The following SUCLA2 variants were observed in gnomAD, a reference collection of about 807,000 sequenced individuals.
The protein encoded by SUCLA2 is succinate-CoA ligase ADP-forming subunit beta.
SUCLA2 carries 30 observed loss-of-function variants against 54.8 expected under a neutral mutation model. That is an observed-to-expected ratio of 0.55 (90% CI 0.41 to 0.74). SUCLA2 has a LOEUF of 0.74. Ranked by LOEUF, SUCLA2 falls within the 30% of genes least tolerant of loss-of-function variation. The probability of loss-of-function intolerance (pLI) is 0.00; values close to 1 mark genes in which losing one functional copy is unlikely to be tolerated. For missense variants in SUCLA2, 476 were observed against 562.9 expected (o/e 0.85, Z 1.56); for synonymous variants, 172 against 188.9 (o/e 0.91, Z 0.74).
At chr13:47,997,605 A>T (rs1950200670) in intron 1 of SUCLA2, among the ~76,000 whole-genome samples, 1 of 152,166 alleles carries the variant, frequency 6.6e-6, no homozygotes, top group South Asian at 2.1e-4. Context: ...GCTCTCAGCC[A>T]AGTCCTCTTA....
At chr13:47,987,663 T>C (rs937267022) in intron 4 of SUCLA2, 2 of 152,062 alleles carry the variant, frequency 1.3e-5, no homozygotes, top group African/African-American at 4.8e-5. Context: ...GATTTAATTG[T>C]AAATAAGAAA....
chr13:47,980,751 C>A (rs1383751339), intron 4 of SUCLA2, among the ~76,000 whole-genome samples: 1 of 151,842 alleles, frequency 6.6e-6, no homozygotes, highest in Admixed American at 6.6e-5. Context: ...GACATATAGA[C>A]CAATGGAATA....
At chr13:47,992,398 A>C (rs1950157124) in intron 2 of SUCLA2, among the ~76,000 whole-genome samples, 1 of 151,914 alleles carries the variant, frequency 6.6e-6, no homozygotes, top group African/African-American at 2.4e-5. Flanking sequence ...CAAAAAAAAA[A>C]AAAAAAAAAA....
At chr13:47,970,356 T>C (rs1949952677) in intron 5 of SUCLA2, among the ~76,000 whole-genome samples, 2 of 152,162 alleles carry the variant, frequency 1.3e-5, no homozygotes, top group African/African-American at 4.8e-5. Context: ...TCATGCAAAA[T>C]GCTATAATCT....
At position 47,973,331 on chromosome 13, in the gene SUCLA2, G is replaced by A. The variant is rs1335500301; in HGVS notation, c.596C>T (p.Ser199Phe). 1.2e-6 allele frequency: 2 copies of A among 1,612,628 alleles called. No individual in the cohort carries two copies. The highest frequency in any genetic ancestry group is 1.7e-5 in the Admixed American group (1 of 59,980). Reference protein sequence around the residue: ...GVNIEDVAAESPEAIIKEPID... With the variant: ...GVNIEDVAAEFPEAIIKEPID... ...AGGTTCTTTAATTATTGCTTCAGGA[G>A]ACTCAGCAGCAACATCTTCAATGTT... Residue 199 changes from serine (S) to phenylalanine (F), a missense_variant, in exon 5 of 11, where the codon TCT (serine) becomes TTT (phenylalanine). Physicochemically the swap from Ser to Phe is radical, Grantham distance 155. This residue lies in a region of SUCLA2 where 342 missense variants were observed against 444.2 expected (regional missense o/e 0.77). Transcript: ENST00000646932.
intron 2 of SUCLA2, among the ~76,000 whole-genome samples, chr13:47,993,966 AGAGGTTGCTTGAACCCAGGAGGCG>A (rs1464518725): frequency 6.7e-6 from 1 of 150,088 alleles, no homozygotes; most frequent in African/African-American, 2.5e-5. Flanking sequence ...CCCAGGAGGC[AGAGGTTGCTTGAACCCAGGAGGCG>A]GAGGTTGCGG....
Position 47,997,036 on chromosome 13 carries a change from G to C in SUCLA2, c.91-13C>G, listed in dbSNP as rs370895261. On this transcript the variant is annotated splice_polypyrimidine_tract_variant and intron_variant, in intron 1 of 10. Coordinates refer to ENST00000646932, the MANE Select transcript of SUCLA2 (RefSeq NM_003850.3). ...AACTTCCCAGAACCTAGAAAGATTG[G>C]GGACATATTTATATATGACAGTGAT... 5.6e-6 allele frequency: 9 copies of C among 1,613,736 alleles called. No homozygotes were observed. The highest frequency in any genetic ancestry group is 6.8e-6 in the Non-Finnish European group (8 of 1,179,948).
chr13:47,975,246 C>T (rs1471660756), intron 4 of SUCLA2, among the ~76,000 whole-genome samples: 1 of 151,788 alleles, frequency 6.6e-6, no homozygotes, highest in Non-Finnish European at 1.5e-5. Flanking sequence ...CTGCAACCTC[C>T]GCCCCCCAGG....
intron 5 of SUCLA2, among the ~76,000 whole-genome samples, chr13:47,970,444 C>T (rs552839993): frequency 2.1e-4 from 32 of 152,166 alleles, no homozygotes; most frequent in Non-Finnish European, 4.4e-4. Flanking sequence ...TCATCATCTT[C>T]ACGTAACTAC....
At chr13:48,000,224 A>G (rs1011459860) in intron 1 of SUCLA2, among the ~76,000 whole-genome samples, 1 of 152,056 alleles carries the variant, frequency 6.6e-6, no homozygotes, top group Non-Finnish European at 1.5e-5. Context: ...AAAAAAACCC[A>G]AAACTCTGGA....
At chr13:47,970,001 C>T (rs187018006) in intron 5 of SUCLA2, among the ~76,000 whole-genome samples, 46 of 151,636 alleles carry the variant, frequency 3.0e-4, no homozygotes, top group African/African-American at 1.1e-3. Flanking sequence ...ACTCGAGAGG[C>T]TGAGACACAA....
At chr13:47,963,941 T>TAAA (rs1949894375) in intron 6 of SUCLA2, among the ~76,000 whole-genome samples, 1 of 152,182 alleles carries the variant, frequency 6.6e-6, no homozygotes, top group African/African-American at 2.4e-5. Flanking sequence ...GCACAAAATG[T>TAAA]AAAAGGCTTG....
intron 10 of SUCLA2, among the ~76,000 whole-genome samples, chr13:47,945,102 AGCCAGG>A (rs1949718938): frequency 6.6e-6 from 1 of 151,844 alleles, no homozygotes; most frequent in African/African-American, 2.4e-5. Flanking sequence ...ATACATAATT[AGCCAGG>A]CATGGTGGTA....
At chr13:47,949,659 C>T (rs1430437965) in intron 8 of SUCLA2, 56 bp from the exon 9 acceptor site, 1 of 1,570,476 alleles carries the variant, frequency 6.4e-7, no homozygotes, top group Non-Finnish European at 8.7e-7. Context: ...AGTTCTTTTC[C>T]CCAAAAAATA....
At chr13:47,992,670 T>C (rs955005746) in intron 2 of SUCLA2, among the ~76,000 whole-genome samples, 2 of 152,242 alleles carry the variant, frequency 1.3e-5, no homozygotes, top group Non-Finnish European at 2.9e-5. Context: ...CAAGACTGTC[T>C]CTAAAACACA....
chr13:47,975,190 T>C (rs113562177), intron 4 of SUCLA2, among the ~76,000 whole-genome samples: 2 of 151,088 alleles, frequency 1.3e-5, no homozygotes, highest in African/African-American at 4.9e-5. Flanking sequence ...ATCTGGAGTG[T>C]CGTTCTGTCA....
In SUCLA2 at chr13:47,943,200, C is replaced by T; in HGVS notation, c.*171G>A. 1 of 705,360 alleles carries T rather than the reference C, an allele frequency of 1.4e-6. No individual in the cohort carries two copies. 43.7% of individuals were successfully genotyped at this position (705,360 alleles called of 1,614,324 possible). A position where few individuals can be genotyped will look rare whatever the true frequency, so the allele number is the denominator to read the frequency against. ...TTATACATGCTTCGTACAAACAGTC[C>T]ATTCTGAATGGTACAATTAAATGCA... On this transcript the variant is annotated 3_prime_UTR_variant, in exon 11 of 11. Coordinates refer to ENST00000646932, the MANE Select transcript of SUCLA2 (RefSeq NM_003850.3).
intron 4 of SUCLA2, among the ~76,000 whole-genome samples, chr13:47,977,065 C>T (rs1347750876): frequency 6.6e-6 from 1 of 150,820 alleles, no homozygotes; most frequent in Non-Finnish European, 1.5e-5. Flanking sequence ...ATTGACAACC[C>T]TTTAACTATA....
In SUCLA2 at chr13:47,943,758, G is replaced by GTATATATATATATATATATA. The variant is rs1306333313; in HGVS notation, c.1318-314_1318-313insTATATATATATATATATATA. Among the ~76,000 whole-genome samples the GTATATATATATATATATATA allele has an allele frequency of 3.2e-5, 4 of 125,680 alleles. No individual in the cohort carries two copies. The South Asian group carries it at 1.2e-3, about 37-fold the overall frequency. 82.5% of individuals were successfully genotyped at this position (125,680 alleles called of 152,430 possible). ...TGTGTGTATGTATGTGTGTGTGTGT[G>GTATATATATATATATATATA]TGTGTGTGTATATATATATATATTA... On this transcript the variant is annotated intron_variant, in intron 10 of 10. Transcript: ENST00000646932.
Sources: gnomAD v4.1 joint callset for allele counts (sites outside exome capture counted in the v4.1 genomes callset) on GRCh38, gnomAD v4.1.1 for gene constraint, gnomAD v4.1.1 regional missense constraint, MANE v1.5 for transcripts, NCBI Gene and HGNC (gene_info 2026-07-23, HGNC 2026-07-21) for gene names.